The following GABRG3 variants were observed in gnomAD, a reference collection of about 807,000 sequenced individuals.
The protein encoded by GABRG3 is gamma-aminobutyric acid receptor subunit gamma-3.
A neutral mutation model predicts 48.8 loss-of-function variants in GABRG3; 25 were observed. The observed-to-expected ratio is 0.51, with a 90% CI of 0.37 to 0.72. GABRG3 has a LOEUF of 0.72. GABRG3 is among the 30% of genes least tolerant of loss of function. GABRG3 has a pLI of 0.00. For synonymous variants in GABRG3, 227 were observed against 217.6 expected (o/e 1.04, Z -0.38); for missense variants, 394 against 577.9 (o/e 0.68, Z 3.26).
chr15:27,385,910 CT>C (rs753162912), intron 5 of GABRG3, among the ~76,000 whole-genome samples: 1 of 152,190 alleles, frequency 6.6e-6, no homozygotes, highest in Non-Finnish European at 1.5e-5. Flanking sequence ...GACTTTCCCC[CT>C]ATGCATGGGT....
At chr15:27,422,902 C>G (rs550847944) in intron 5 of GABRG3, among the ~76,000 whole-genome samples, 16 of 152,216 alleles carry the variant, frequency 1.1e-4, no homozygotes, top group African/African-American at 3.6e-4. Context: ...GCAAGAGCAA[C>G]TGGGAAAGAT....
intron 3 of GABRG3, among the ~76,000 whole-genome samples, chr15:27,210,178 G>A (rs529552898): frequency 1.7e-4 from 26 of 152,256 alleles, no homozygotes; most frequent in Admixed American, 4.6e-4. Context: ...TCCAAGGGTC[G>A]GGTGAATGTG....
At chr15:27,378,262 A>C (rs1404723545) in intron 5 of GABRG3, among the ~76,000 whole-genome samples, 1 of 152,152 alleles carries the variant, frequency 6.6e-6, no homozygotes, top group Admixed American at 6.5e-5. Context: ...ATTTAAAAAA[A>C]TTAAAAAAAC....
intron 5 of GABRG3, among the ~76,000 whole-genome samples, chr15:27,461,732 T>G (rs1433789563): frequency 1.3e-5 from 2 of 152,164 alleles, no homozygotes; most frequent in Non-Finnish European, 2.9e-5. Flanking sequence ...GATTGGTGCA[T>G]TTACAAACCT....
intron 3 of GABRG3, among the ~76,000 whole-genome samples, chr15:27,247,335 C>G (rs1890300616): frequency 6.6e-6 from 1 of 152,120 alleles, no homozygotes; most frequent in Admixed American, 6.5e-5. Flanking sequence ...TCTCTTCCAG[C>G]CCCAGCTCTG....
intron 5 of GABRG3, among the ~76,000 whole-genome samples, chr15:27,349,961 C>CAA (rs374395293): frequency 0.97 from 142,433 of 146,790 alleles, 69,127 homozygotes; most frequent in East Asian, 1. Flanking sequence ...GTGACAATAA[C>CAA]AAAAAAAAAC....
intron 3 of GABRG3, among the ~76,000 whole-genome samples, chr15:27,105,382 TGATCAGCCAATCAACCAACAA>T (rs1270729113): frequency 6.6e-6 from 1 of 152,170 alleles, no homozygotes; most frequent in Non-Finnish European, 1.5e-5. Flanking sequence ...CAAGCAGATT[TGATCAGCCAATCAACCAACAA>T]GATCTAGGTT....
intron 2 of GABRG3, among the ~76,000 whole-genome samples, chr15:26,977,545 T>A (rs980912270): frequency 1.3e-5 from 2 of 152,240 alleles, no homozygotes; most frequent in Non-Finnish European, 1.5e-5. Context: ...TATTTTTTTG[T>A]CATTTTGAGA....
chr15:27,219,666 C>A (rs986703414), intron 3 of GABRG3, among the ~76,000 whole-genome samples: 1 of 152,208 alleles, frequency 6.6e-6, no homozygotes, highest in Non-Finnish European at 1.5e-5. Context: ...GCTGCAGCCC[C>A]CAGACTCTTG....
At chr15:26,977,246 A>C in intron 2 of GABRG3, 96 bp downstream of exon 2, 3 of 1,297,410 alleles carry the variant, frequency 2.3e-6, no homozygotes, top group Non-Finnish European at 3.2e-6. Flanking sequence ...AGTATTGCAA[A>C]GATAGTGCAG....
At chr15:26,977,756 G>A (rs1465336135) in intron 2 of GABRG3, among the ~76,000 whole-genome samples, 1 of 152,052 alleles carries the variant, frequency 6.6e-6, no homozygotes, top group Non-Finnish European at 1.5e-5. Flanking sequence ...TCCTGTTTTT[G>A]TCTATTGCAA....
intron 5 of GABRG3, among the ~76,000 whole-genome samples, chr15:27,369,769 T>A (rs993490506): frequency 9.3e-5 from 12 of 129,278 alleles, no homozygotes; most frequent in Admixed American, 3.0e-4. Context: ...ATTGCACCAC[T>A]GCACTCCAGC....
chr15:27,380,065 C>T (rs1474547349), intron 5 of GABRG3, among the ~76,000 whole-genome samples: 1 of 150,572 alleles, frequency 6.6e-6, no homozygotes, highest in Admixed American at 6.6e-5. Flanking sequence ...ATGTTCTGTT[C>T]TGTCCTCTTA....
intron 3 of GABRG3, among the ~76,000 whole-genome samples, chr15:27,156,851 C>T (rs1199352172): frequency 6.6e-6 from 1 of 152,130 alleles, no homozygotes; most frequent in African/African-American, 2.4e-5. Context: ...GGAGTGTTTT[C>T]CTGTCTTTTA....
At chr15:27,408,172 T>C (rs1435117356) in intron 5 of GABRG3, among the ~76,000 whole-genome samples, 1 of 152,278 alleles carries the variant, frequency 6.6e-6, no homozygotes, top group Non-Finnish European at 1.5e-5. Context: ...ACACCAGTGG[T>C]TCTATAACAA....
At chr15:27,493,744 C>T (rs1890414422) in intron 6 of GABRG3, among the ~76,000 whole-genome samples, 1 of 152,172 alleles carries the variant, frequency 6.6e-6, no homozygotes, top group Non-Finnish European at 1.5e-5. Context: ...AATCGATAGT[C>T]TCAACACTAT....
chr15:27,068,297 C>A (rs1435166323), intron 3 of GABRG3, among the ~76,000 whole-genome samples: 1 of 152,240 alleles, frequency 6.6e-6, no homozygotes, highest in African/African-American at 2.4e-5. Context: ...GCTCGCACTG[C>A]AGGAGCTGGG....
At chr15:27,098,415 C>CA (rs1249170080) in intron 3 of GABRG3, among the ~76,000 whole-genome samples, 1 of 152,188 alleles carries the variant, frequency 6.6e-6, no homozygotes, top group Non-Finnish European at 1.5e-5. Flanking sequence ...GCCTGTGTGA[C>CA]AGACAGACAC....
At chr15:27,311,825 A>G (rs1893003843) in intron 3 of GABRG3, among the ~76,000 whole-genome samples, 1 of 152,066 alleles carries the variant, frequency 6.6e-6, no homozygotes, top group Non-Finnish European at 1.5e-5. Context: ...AGGCTCCGAA[A>G]ATCTCTGCTT....
Sources: allele counts gnomAD v4.1 joint callset (sites outside exome capture counted in the v4.1 genomes callset), GRCh38; gene constraint gnomAD v4.1.1; transcripts MANE v1.5; gene names NCBI Gene and HGNC (gene_info 2026-07-23, HGNC 2026-07-21).